CACNA1C: variants seen among roughly 807,000 people sequenced by gnomAD.
CACNA1C encodes the protein voltage-dependent L-type calcium channel subunit alpha-1C.
CACNA1C carries 30 observed loss-of-function variants against 229.0 expected under a neutral mutation model. The observed-to-expected ratio is 0.13, with a 90% CI of 0.10 to 0.18. The LOEUF (loss-of-function observed/expected upper bound fraction) is 0.18, where lower values mean the gene tolerates loss of function less well. Among genes scored for constraint, CACNA1C ranks in the 10% least tolerant of loss-of-function variants. The pLI is 1.00. For missense variants in CACNA1C, 1,658 were observed against 2,845.0 expected, an observed-to-expected ratio of 0.58 and a Z score of 9.49; for synonymous variants, 1,114 against 1,132.5, an observed-to-expected ratio of 0.98 and a Z score of 0.33.
At chr12:2,157,809 A>G (rs971885089) in intron 3 of CACNA1C, among the ~76,000 whole-genome samples, 6 of 152,238 alleles carry the variant, frequency 3.9e-5, no homozygotes, top group South Asian at 2.1e-4. Flanking sequence ...ATGCCTATTT[A>G]AATCAGAATA....
At chr12:2,407,042 C>T (rs1045183992) in intron 3 of CACNA1C, among the ~76,000 whole-genome samples, 2 of 152,252 alleles carry the variant, frequency 1.3e-5, no homozygotes, top group Non-Finnish European at 2.9e-5. Flanking sequence ...GCTGGCGTGG[C>T]TCAGGCTCAC....
At chr12:2,031,419 G>A (rs951868800) in intron 1 of CACNA1C, among the ~76,000 whole-genome samples, 28 of 152,328 alleles carry the variant, frequency 1.8e-4, no homozygotes, top group African/African-American at 5.8e-4. Context: ...TGAATGGGGG[G>A]CTGTGCTGTG....
chr12:2,680,021 G>A (rs544424784), intron 42 of CACNA1C, among the ~76,000 whole-genome samples: 76 of 152,322 alleles, frequency 5.0e-4, no homozygotes, highest in African/African-American at 1.7e-3. Flanking sequence ...GGCCTGCGGC[G>A]CTGGTTCTCC....
intron 1 of CACNA1C, among the ~76,000 whole-genome samples, chr12:2,076,777 A>C (rs1565535542): frequency 6.6e-6 from 1 of 152,112 alleles, no homozygotes; most frequent in East Asian, 1.9e-4. Flanking sequence ...TGCTTTATAG[A>C]ATGGGACTTG....
At position 2,074,610 on chromosome 12, in the gene CACNA1C, G is replaced by T. The variant is rs118159389; in HGVS notation, c.49+20999G>T. Among the ~76,000 whole-genome samples, 252 of 152,276 alleles carry T rather than the reference G, an allele frequency of 1.7e-3. 4 individuals are homozygous for T. The East Asian group carries it at 0.039, about 24-fold the overall frequency. ...GTACTGTTATTGATAGGCCCTCTCAGGGGGAGGAGACTGCCAGTGCCGTGA... is the reference window on the plus strand; with the variant it reads ...GTACTGTTATTGATAGGCCCTCTCATGGGGAGGAGACTGCCAGTGCCGTGA... On this transcript the variant is annotated intron_variant, in intron 1 of 46. Transcript: ENST00000399655.
intron 3 of CACNA1C, among the ~76,000 whole-genome samples, chr12:2,408,967 C>T (rs898095578): frequency 1.3e-5 from 2 of 152,158 alleles, no homozygotes; most frequent in Admixed American, 1.3e-4. Flanking sequence ...ATCTCTTTTG[C>T]CCAATGTTGC....
At chr12:2,411,561 C>T (rs983410884) in intron 3 of CACNA1C, among the ~76,000 whole-genome samples, 5 of 152,192 alleles carry the variant, frequency 3.3e-5, no homozygotes, top group South Asian at 2.1e-4. Context: ...TCCTAGTCCC[C>T]GGGCCCTGGC....
intron 5 of CACNA1C, among the ~76,000 whole-genome samples, chr12:2,484,909 C>CTTTTT (rs3058705): frequency 6.9e-6 from 1 of 145,352 alleles, no homozygotes; most frequent in African/African-American, 2.6e-5. Context: ...TCTCTTCTTT[C>CTTTTT]TTTTTTTTTT....
chr12:2,631,440 G>A (rs549690040), intron 29 of CACNA1C, among the ~76,000 whole-genome samples: 7 of 152,064 alleles, frequency 4.6e-5, no homozygotes, highest in South Asian at 2.1e-4. Flanking sequence ...TATTCATATC[G>A]AGAGGGTCAC....
chr12:2,432,995 C>T (rs950264467), intron 3 of CACNA1C, among the ~76,000 whole-genome samples: 1 of 152,212 alleles, frequency 6.6e-6, no homozygotes, highest in Admixed American at 6.5e-5. Flanking sequence ...GCCACTTAGG[C>T]AGCGACAGTC....
At chr12:2,298,832 G>A (rs754747295) in intron 3 of CACNA1C, among the ~76,000 whole-genome samples, 92 of 152,290 alleles carry the variant, frequency 6.0e-4, no homozygotes, top group Non-Finnish European at 8.5e-4. Flanking sequence ...GGGCTCTCTG[G>A]AGTCCTCCCA....
At chr12:2,462,103 A>G (rs1324811576) in intron 5 of CACNA1C, among the ~76,000 whole-genome samples, 2 of 150,684 alleles carry the variant, frequency 1.3e-5, no homozygotes, top group Non-Finnish European at 3.0e-5. Flanking sequence ...CCTCCTCACC[A>G]GCCCTCCACA....
chr12:2,441,009 T>C (rs998153083), intron 3 of CACNA1C, among the ~76,000 whole-genome samples: 1 of 152,236 alleles, frequency 6.6e-6, no homozygotes, highest in Non-Finnish European at 1.5e-5. Flanking sequence ...GAAATGCATG[T>C]AGAGGTCGGG....
intron 39 of CACNA1C, 116 bp downstream of exon 39, chr12:2,674,758 T>G: frequency 1.0e-6 from 1 of 985,552 alleles, no homozygotes; most frequent in African/African-American, 1.6e-5. Flanking sequence ...GAGACTTGCT[T>G]CTTGAGTCCC....
chr12:2,502,887 A>G (rs1427305969), intron 7 of CACNA1C, among the ~76,000 whole-genome samples: 1 of 152,224 alleles, frequency 6.6e-6, no homozygotes, highest in Non-Finnish European at 1.5e-5. Context: ...AAACTTGAGC[A>G]TAGCCTAGAA....
intron 3 of CACNA1C, among the ~76,000 whole-genome samples, chr12:2,416,493 G>A (rs7969471): frequency 0.018 from 2,679 of 152,268 alleles, 80 homozygotes; most frequent in African/African-American, 0.057. Context: ...AGCTGCTACC[G>A]TCTCCATTTT....
chr12:2,423,972 C>G (rs1320768319), intron 3 of CACNA1C, among the ~76,000 whole-genome samples: 1 of 152,108 alleles, frequency 6.6e-6, no homozygotes, highest in African/African-American at 2.4e-5. Flanking sequence ...TGGACAAGCT[C>G]GTGCTCCCTC....
chr12:2,668,128 T>TTCTC (rs150206855), intron 37 of CACNA1C, among the ~76,000 whole-genome samples: 101,021 of 151,848 alleles, frequency 0.67, 37,589 homozygotes, highest in South Asian at 0.84. Flanking sequence ...ATCCTTTCTC[T>TTCTC]TCTCTGGGCT....
rs563912560 is a variant in CACNA1C, at chr12:2,493,865, A to G, written c.1113+479A>G. Among the ~76,000 whole-genome samples the G allele has an allele frequency of 3.0e-4, 46 of 152,338 alleles. No homozygotes were observed. Among genetic ancestry groups the G allele is most frequent in the Non-Finnish European group, 5.6e-4 (38 of 68,032 alleles). On this transcript the variant is annotated intron_variant, in intron 7 of 46. Transcript: ENST00000399655. The surrounding 1 kb of genome is among the most constrained non-coding windows in gnomAD (Gnocchi z 4.6). ...AACCATTTTTATTGAATTGTGTAGC[A>G]TTGTGACATGCTATTCAATTTTTAC...
Sources: allele counts gnomAD v4.1 joint callset (sites outside exome capture counted in the v4.1 genomes callset), GRCh38; gene constraint gnomAD v4.1.1; non-coding constraint Gnocchi (gnomAD v3.1); transcripts MANE v1.5; gene names NCBI Gene and HGNC (gene_info 2026-07-23, HGNC 2026-07-21).